The following SHC3 variants were observed in gnomAD, a reference collection of about 807,000 sequenced individuals.
The protein encoded by SHC3 is SHC-transforming protein 3.
Under a neutral mutation model 60.4 loss-of-function variants are expected in SHC3, and 15 were observed. The observed-to-expected ratio is 0.25, with a 90% CI of 0.17 to 0.38. SHC3 has a LOEUF of 0.38. SHC3 is among the 10% of genes least tolerant of loss of function. SHC3 has a pLI of 1.00. For missense variants in SHC3, 677 were observed against 786.1 expected, an observed-to-expected ratio of 0.86 and a Z score of 1.66; for synonymous variants, 294 against 325.9, an observed-to-expected ratio of 0.90 and a Z score of 1.05.
At chr9:89,015,441 A>G (rs1826077583) in intron 11 of SHC3, among the ~76,000 whole-genome samples, 1 of 152,240 alleles carries the variant, frequency 6.6e-6, no homozygotes, top group Admixed American at 6.5e-5. Context: ...TAAGGAGCTC[A>G]GGGTGGGGCC....
At chr9:89,016,536 CCTT>C (rs1208953726) in intron 11 of SHC3, among the ~76,000 whole-genome samples, 1 of 152,062 alleles carries the variant, frequency 6.6e-6, no homozygotes, top group Non-Finnish European at 1.5e-5. Flanking sequence ...TAATTAATAA[CCTT>C]CTGAAACAGA....
intron 1 of SHC3, among the ~76,000 whole-genome samples, chr9:89,129,254 A>C (rs1199597996): frequency 6.6e-6 from 1 of 152,212 alleles, no homozygotes; most frequent in African/African-American, 2.4e-5. Flanking sequence ...ATATGGGACT[A>C]TGTGAAAAGA....
chr9:89,019,111 A>G (rs1826155587), intron 11 of SHC3, among the ~76,000 whole-genome samples: 1 of 152,148 alleles, frequency 6.6e-6, no homozygotes, highest in East Asian at 1.9e-4. Flanking sequence ...AGCTAACATT[A>G]TATCTGATAC....
intron 2 of SHC3, among the ~76,000 whole-genome samples, chr9:89,080,733 GAA>G (rs1491230303): frequency 1.8e-5 from 1 of 55,556 alleles, no homozygotes; most frequent in African/African-American, 7.8e-5. Context: ...AAACTAGGAA[GAA>G]TATATATATA....
intron 3 of SHC3, among the ~76,000 whole-genome samples, chr9:89,076,892 AATAGGG>A (rs1293337348): frequency 6.6e-6 from 1 of 152,194 alleles, no homozygotes; most frequent in East Asian, 1.9e-4. Context: ...AAAAACAGAC[AATAGGG>A]CCGGGCATGG....
rs540788767 is a variant in SHC3 at position 89,027,327 on chromosome 9, A to ATTTTTTTTTTTTTTTTTT, written c.1656+10665_1656+10666insAAAAAAAAAAAAAAAAAA. On this transcript the variant is annotated intron_variant, in intron 11 of 11. Transcript: ENST00000375835. ...ACAACTAGTGATGGGTGAAATTCTG[A>ATTTTTTTTTTTTTTTTTT]TTTTTTTTTTTTGAGACTGAGTCTC... is the stretch of plus-strand genomic sequence containing the variant. Among the ~76,000 whole-genome samples the ATTTTTTTTTTTTTTTTTT allele has an allele frequency of 7.7e-5, 10 of 130,384 alleles. 1 individual carries two copies. Among genetic ancestry groups the ATTTTTTTTTTTTTTTTTT allele is most frequent in the Non-Finnish European group, 8.0e-5 (5 of 62,594 alleles). 85.5% of individuals were successfully genotyped at this position (130,384 alleles called of 152,430 possible).
chr9:89,041,739 T>C (rs1824690077), intron 10 of SHC3, among the ~76,000 whole-genome samples: 1 of 152,220 alleles, frequency 6.6e-6, no homozygotes, highest in Admixed American at 6.5e-5. Context: ...TTTAAATGAA[T>C]AAATAAACAT....
At chr9:89,024,611 C>A (rs1382737964) in intron 11 of SHC3, among the ~76,000 whole-genome samples, 1 of 152,214 alleles carries the variant, frequency 6.6e-6, no homozygotes, top group African/African-American at 2.4e-5. Context: ...CTTCACAGGA[C>A]CGTTTTCAGA....
At chr9:89,160,236 C>T (rs1028651259) in intron 1 of SHC3, among the ~76,000 whole-genome samples, 1 of 152,168 alleles carries the variant, frequency 6.6e-6, no homozygotes, top group Non-Finnish European at 1.5e-5. Context: ...GTGCACCCTC[C>T]CACCTCCAAA....
intron 11 of SHC3, among the ~76,000 whole-genome samples, chr9:89,032,369 C>T (rs957372427): frequency 2.6e-5 from 4 of 152,100 alleles, no homozygotes; most frequent in African/African-American, 9.7e-5. Context: ...GACCAGACAC[C>T]ATGTGAATCA....
chr9:89,041,144 C>T (rs574877364), intron 10 of SHC3, among the ~76,000 whole-genome samples: 4 of 152,324 alleles, frequency 2.6e-5, no homozygotes, highest in South Asian at 2.1e-4. Context: ...ATAAAATTCT[C>T]GAGGAATATG....
At chr9:89,119,217 T>A (rs753701928) in intron 1 of SHC3, among the ~76,000 whole-genome samples, 9 of 151,774 alleles carry the variant, frequency 5.9e-5, no homozygotes, top group Non-Finnish European at 1.3e-4. Flanking sequence ...TTCAAACTAC[T>A]ATAGAACAAA....
In SHC3 at chr9:89,013,659, T is replaced by C. The variant is rs569163180; in HGVS notation, c.1657-84A>G. ...GGTTTGCTCAGAATCAGCCAGACCA[T>C]CTGAACTGGCCCAGAAGGAAAGGAG... On this transcript the variant is annotated intron_variant, in intron 11 of 11. Transcript: ENST00000375835. 5.3e-6 allele frequency: 8 copies of C among 1,512,778 alleles called. No individual in the cohort carries two copies. The African/African-American group carries it at 9.8e-5, about 19-fold the overall frequency. The allele number at this position is 1,512,778 out of a possible 1,614,324, so 93.7% of individuals were successfully genotyped here.
chr9:89,021,403 T>C (rs1370897487), intron 11 of SHC3, among the ~76,000 whole-genome samples: 1 of 152,144 alleles, frequency 6.6e-6, no homozygotes, highest in Non-Finnish European at 1.5e-5. Context: ...CCGCACTCAA[T>C]GTCCCCACAG....
At chr9:89,038,538 G>GTT (rs1338297007) in intron 10 of SHC3, among the ~76,000 whole-genome samples, 10 of 152,188 alleles carry the variant, frequency 6.6e-5, no homozygotes, top group Non-Finnish European at 7.3e-5. Flanking sequence ...ACAGCTGGGA[G>GTT]TTGTGCTATG....
intron 2 of SHC3, among the ~76,000 whole-genome samples, chr9:89,092,739 G>GGTGT (rs150979999): frequency 0.069 from 10,278 of 149,140 alleles, 442 homozygotes; most frequent in Middle Eastern, 0.13. Context: ...AAAGAAGGAA[G>GGTGT]GTGTGTGTGT....
intron 7 of SHC3, among the ~76,000 whole-genome samples, chr9:89,048,977 G>A (rs1824818428): frequency 6.6e-6 from 1 of 152,072 alleles, no homozygotes; most frequent in African/African-American, 2.4e-5. Context: ...GAAATGATAT[G>A]CCGGCCGGGC....
At chr9:89,175,333 C>A (rs1405230309) in intron 1 of SHC3, among the ~76,000 whole-genome samples, 1 of 152,204 alleles carries the variant, frequency 6.6e-6, no homozygotes, top group African/African-American at 2.4e-5. Flanking sequence ...AATGATGGAC[C>A]AATTAGACAT....
chr9:89,098,654 C>CA (rs1273105034), intron 2 of SHC3, among the ~76,000 whole-genome samples: 7 of 151,984 alleles, frequency 4.6e-5, no homozygotes, highest in Non-Finnish European at 7.4e-5. Flanking sequence ...ACTAAAAATA[C>CA]AAAAAAATTA....
Sources: allele counts gnomAD v4.1 joint callset (sites outside exome capture counted in the v4.1 genomes callset), GRCh38; gene constraint gnomAD v4.1.1; transcripts MANE v1.5; gene names NCBI Gene and HGNC (gene_info 2026-07-23, HGNC 2026-07-21).